Variants in MCF2L2 observed in about 807,000 individuals in gnomAD.
The protein encoded by MCF2L2 is probable guanine nucleotide exchange factor MCF2L2.
A neutral mutation model predicts 150.2 loss-of-function variants in MCF2L2; 102 were observed. The ratio of observed to expected loss-of-function variants is 0.68; its 90% CI spans 0.58 to 0.80. MCF2L2 has a LOEUF of 0.80. Among genes scored for constraint, MCF2L2 ranks in the 30% least tolerant of loss-of-function variants. The pLI is 0.00. For synonymous variants in MCF2L2, 465 were observed against 491.3 expected (o/e 0.95, Z 0.71); for missense variants, 1,256 against 1,372.8 (o/e 0.91, Z 1.34).
At chr3:183,345,379 A>C (rs1021714178) in intron 3 of MCF2L2, among the ~76,000 whole-genome samples, 2 of 152,324 alleles carry the variant, frequency 1.3e-5, no homozygotes. Flanking sequence ...ACTGAGAACA[A>C]AGACACAATG....
At position 183,295,477 on chromosome 3, in the gene MCF2L2, C is replaced by A. The variant is rs1438011103; in HGVS notation, c.1498G>T (p.Ala500Ser). The change falls in exon 13 of 30, where the codon GCC (alanine) becomes TCC (serine). Residue 500 changes from alanine (A) to serine (S), a missense_variant and splice_region_variant. Ala to Ser is a moderately conservative substitution (Grantham distance 99). Transcript: ENST00000328913. ...CTCTGCAAAACTTTCTGGGCTTTGG[C>A]CTACAGTAACAAAAGCAAATCATGA... is the stretch of plus-strand genomic sequence containing the variant. ...FELLLTLDAK[A>S]KAQKVLQRLD... 1.9e-6 allele frequency: 3 copies of A among 1,613,850 alleles called. No individual in the cohort carries two copies. The African/African-American group carries it at 4.0e-5, about 22-fold the overall frequency.
At chr3:183,353,923 T>C (rs1191769434) in intron 3 of MCF2L2, among the ~76,000 whole-genome samples, 2 of 152,190 alleles carry the variant, frequency 1.3e-5, no homozygotes, top group Non-Finnish European at 2.9e-5. Context: ...CACCACACTT[T>C]TTTTTTAATA....
At chr3:183,387,086 T>C (rs568908688) in intron 2 of MCF2L2, among the ~76,000 whole-genome samples, 5 of 151,942 alleles carry the variant, frequency 3.3e-5, no homozygotes, top group African/African-American at 1.2e-4. Flanking sequence ...CAAAACCCCA[T>C]CTCTACAAAA....
chr3:183,401,580 C>A (rs1195870546), intron 1 of MCF2L2, among the ~76,000 whole-genome samples: 4 of 152,176 alleles, frequency 2.6e-5, no homozygotes, highest in Non-Finnish European at 5.9e-5. Context: ...CCAGAAGATA[C>A]CTTCAAGTCC....
At chr3:183,314,899 TTTC>T (rs1729533646) in intron 7 of MCF2L2, among the ~76,000 whole-genome samples, 2 of 2,074 alleles carry the variant, frequency 9.6e-4, no homozygotes, top group Admixed American at 6.9e-3. Flanking sequence ...TATCTCTTTT[TTTC>T]TTTTCTTTTT....
In MCF2L2 at chr3:183,225,767, G is replaced by A. The variant is rs1723320051; in HGVS notation, c.2116-1577C>T. ...AGAAACCTCTCCACAAATGCCCAAT[G>A]GATAGAGTACTCAAAAAATGGTGGC... On this transcript the variant is annotated intron_variant, in intron 18 of 29. Coordinates refer to ENST00000328913, the MANE Select transcript of MCF2L2 (RefSeq NM_015078.4). The A allele has an allele frequency of 2.0e-5, 3 of 152,158 alleles. No individual in the cohort carries two copies. The South Asian group carries it at 6.2e-4, about 32-fold the overall frequency. The allele number at this position is 152,158 out of a possible 1,614,324, so 9.4% of individuals were successfully genotyped here.
At chr3:183,216,952 A>C (rs1027156488) in intron 21 of MCF2L2, among the ~76,000 whole-genome samples, 2 of 151,360 alleles carry the variant, frequency 1.3e-5, no homozygotes, top group African/African-American at 4.9e-5. Context: ...CCTTTTAAAT[A>C]GGCTTCTCTC....
rs759746825 is a variant in MCF2L2, at chr3:183,270,222, C to T, written c.1862+6650G>A. 5.0e-6 allele frequency: 8 copies of T among 1,614,058 alleles called. No homozygotes were observed. The highest frequency in any genetic ancestry group is 2.2e-5 in the South Asian group (2 of 91,082). On this transcript the variant is annotated intron_variant, in intron 15 of 29. Coordinates refer to ENST00000328913, the MANE Select transcript of MCF2L2 (RefSeq NM_015078.4). This position sits in a 1 kb window ranked among gnomAD's most constrained non-coding sequence, Gnocchi z 4.5. ...TCCTAATCCACTGGAGGGAGAAGAA[C>T]TACAAAGAAAACTGGCTTGGGAAGA...
At chr3:183,290,481 G>A (rs565897155) in intron 13 of MCF2L2, among the ~76,000 whole-genome samples, 2 of 152,182 alleles carry the variant, frequency 1.3e-5, no homozygotes, top group South Asian at 4.1e-4. Flanking sequence ...TGGTCCCTTG[G>A]GAAACTCACA....
chr3:183,348,418 G>A (rs1161181072), intron 3 of MCF2L2, among the ~76,000 whole-genome samples: 1 of 148,494 alleles, frequency 6.7e-6, no homozygotes, highest in African/African-American at 2.5e-5. Flanking sequence ...CGGGGGTCGG[G>A]TAGGGGGGGC....
intron 22 of MCF2L2, among the ~76,000 whole-genome samples, chr3:183,214,070 C>G (rs1722828151): frequency 6.6e-6 from 1 of 152,202 alleles, no homozygotes; most frequent in Non-Finnish European, 1.5e-5. Flanking sequence ...GTTATTTGCT[C>G]ATGTTTTAAC....
intron 1 of MCF2L2, among the ~76,000 whole-genome samples, chr3:183,425,186 C>T (rs544851251): frequency 1.3e-5 from 2 of 148,202 alleles, no homozygotes; most frequent in Non-Finnish European, 3.0e-5. Context: ...AAGAAAGCTG[C>T]GAGGTGTTTC....
chr3:183,310,044 C>A (rs1729291090), intron 9 of MCF2L2, among the ~76,000 whole-genome samples: 2 of 151,936 alleles, frequency 1.3e-5, no homozygotes, highest in South Asian at 4.1e-4. Flanking sequence ...ACTATTAGAA[C>A]TATATTCAAC....
At chr3:183,207,546 G>T (rs1722538547) in intron 23 of MCF2L2, 62 bp downstream of exon 23, 3 of 1,313,820 alleles carry the variant, frequency 2.3e-6, no homozygotes, top group South Asian at 2.5e-5. Context: ...TGTAAAATAA[G>T]GAAAACGATC....
intron 3 of MCF2L2, chr3:183,372,420 G>T (rs1712943523): frequency 6.6e-6 from 1 of 152,182 alleles, no homozygotes; most frequent in Admixed American, 6.5e-5. Context: ...AATGAATGTA[G>T]AAAAATTACT....
At chr3:183,234,746 T>C (rs1723738238) in intron 15 of MCF2L2, among the ~76,000 whole-genome samples, 2 of 126,464 alleles carry the variant, frequency 1.6e-5, no homozygotes, top group Admixed American at 8.3e-5. Context: ...GTGCACATTG[T>C]GCAGGTTAGT....
intron 15 of MCF2L2, among the ~76,000 whole-genome samples, chr3:183,249,952 A>T (rs562992213): frequency 6.6e-6 from 1 of 152,356 alleles, no homozygotes; most frequent in South Asian, 2.1e-4. Context: ...CTCAGAGAAG[A>T]GCAGGGCATG....
chr3:183,348,158 C>G (rs1730972133), intron 3 of MCF2L2, among the ~76,000 whole-genome samples: 1 of 152,072 alleles, frequency 6.6e-6, no homozygotes. Flanking sequence ...ACCCAAATGC[C>G]CATCAATGAT....
intron 10 of MCF2L2, among the ~76,000 whole-genome samples, chr3:183,302,220 C>G (rs1431486184): frequency 6.6e-6 from 1 of 152,192 alleles, no homozygotes; most frequent in Non-Finnish European, 1.5e-5. Context: ...ACCTCGCATG[C>G]CTTTCTCCTT....
Sources: gnomAD v4.1 joint callset for allele counts (sites outside exome capture counted in the v4.1 genomes callset) on GRCh38, gnomAD v4.1.1 for gene constraint, Gnocchi (gnomAD v3.1) non-coding constraint, MANE v1.5 for transcripts, NCBI Gene and HGNC (gene_info 2026-07-23, HGNC 2026-07-21) for gene names.